Variants in PLEKHA3 observed in about 807,000 individuals in gnomAD.
The protein encoded by PLEKHA3 is pleckstrin homology domain-containing family A member 3.
In PLEKHA3, 19 loss-of-function variants were observed where a neutral mutation model predicts 39.2. That is an observed-to-expected ratio of 0.48 (90% CI 0.34 to 0.71). PLEKHA3 has a LOEUF of 0.71. Ranked by LOEUF, PLEKHA3 falls within the 30% of genes least tolerant of loss-of-function variation. The probability of loss-of-function intolerance (pLI) is 0.01; values close to 1 mark genes in which losing one functional copy is unlikely to be tolerated. For synonymous variants in PLEKHA3, 97 were observed against 118.6 expected, an observed-to-expected ratio of 0.82 and a Z score of 1.18; for missense variants, 253 against 359.5, an observed-to-expected ratio of 0.70 and a Z score of 2.40.
rs768287611 is a variant in PLEKHA3 at position 178,490,810 on chromosome 2, A to G, written c.309A>G (p.Glu103=). 9 of 1,605,746 alleles carry G rather than the reference A, an allele frequency of 5.6e-6. 1 individual carries two copies. The highest frequency in any genetic ancestry group is 7.6e-6 in the Non-Finnish European group (9 of 1,177,212). Residue 103 remains glutamate, a synonymous_variant, in exon 3 of 8, where the codon GAA becomes GAG. Transcript: ENST00000234453. The part of the protein sequence containing the change: ...ACLTDTRTKK[E]KEISETSESL... ...TGACTGATACAAGGACTAAAAAAGA[A>G]AAAGGTAACTATAAACTTTTCCCTT...
chr2:178,490,587 T>TCC, intron 2 of PLEKHA3, 72 bp from the exon 3 acceptor site: 1 of 1,441,840 alleles, frequency 6.9e-7, no homozygotes, highest in South Asian at 1.2e-5. Context: ...TACTGTGTGA[T>TCC]TAGATGATTA....
intron 4 of PLEKHA3, among the ~76,000 whole-genome samples, chr2:178,494,391 A>G (rs1685406284): frequency 6.6e-6 from 1 of 152,200 alleles, no homozygotes; most frequent in Non-Finnish European, 1.5e-5. Flanking sequence ...ACTTAAAACA[A>G]ATCCTTCTCA....
chr2:178,500,085 C>G (rs975548740), intron 6 of PLEKHA3, among the ~76,000 whole-genome samples: 1 of 152,046 alleles, frequency 6.6e-6, no homozygotes, highest in Admixed American at 6.6e-5. Context: ...TAGATCTTAC[C>G]AAAATGCTAA....
intron 5 of PLEKHA3, among the ~76,000 whole-genome samples, chr2:178,498,855 ACTC>A (rs940073797): frequency 6.6e-6 from 1 of 151,816 alleles, no homozygotes; most frequent in Non-Finnish European, 1.5e-5. Flanking sequence ...CTTGCTAGAT[ACTC>A]CTTTTTTATC....
At chr2:178,488,515 A>G (rs1001507247) in intron 2 of PLEKHA3, among the ~76,000 whole-genome samples, 20 of 152,396 alleles carry the variant, frequency 1.3e-4, no homozygotes, top group African/African-American at 4.3e-4. Context: ...GCAAGTGACC[A>G]TGTATATGTG....
Position 178,501,064 on chromosome 2 carries a change from T to A in PLEKHA3, c.663T>A (p.Ser221Arg), listed in dbSNP as rs1685522368. 1.9e-6 allele frequency: 3 copies of A among 1,608,590 alleles called. No individual in the cohort carries two copies. Among genetic ancestry groups the A allele is most frequent in the Non-Finnish European group, 2.6e-6 (3 of 1,176,374 alleles). Residue 221 changes from serine to arginine, a missense_variant, in exon 7 of 8, where the codon AGT becomes AGA. Transcript: ENST00000234453. The part of the protein sequence containing the change: ...SHPGSCSSER[S>R]SHSIKEPVST... ...ATGCTTTTTACTTAATTTGCAGGAG[T>A]AGCCACTCTATAAAAGAACCAGTAT...
chr2:178,497,648 A>G (rs1450142404), intron 5 of PLEKHA3, among the ~76,000 whole-genome samples: 1 of 152,210 alleles, frequency 6.6e-6, no homozygotes, highest in East Asian at 1.9e-4. Context: ...GTTAATTAAC[A>G]AGTATGTGTG....
intron 3 of PLEKHA3, among the ~76,000 whole-genome samples, chr2:178,491,038 T>G (rs1377067872): frequency 1.4e-5 from 2 of 141,544 alleles, no homozygotes; most frequent in African/African-American, 5.3e-5. Context: ...TGAGATGGAG[T>G]CTCACTCTGT....
Position 178,511,425 on chromosome 2 carries a change from G to A in PLEKHA3, c.*7538G>A, listed in dbSNP as rs1192874890. On this transcript the variant is annotated 3_prime_UTR_variant, in exon 8 of 8. Transcript: ENST00000234453. ...GTCTCACTCTGTAGCCCAAGTTAGA[G>A]TGCAGTGACACGATCTTGGCTCACT... The A allele has an allele frequency of 6.7e-6, 1 of 148,764 alleles. No individual in the cohort carries two copies. Among genetic ancestry groups the A allele is most frequent in the African/African-American group, 2.5e-5 (1 of 40,196 alleles). The allele number at this position is 148,764 out of a possible 1,614,324, so 9.2% of individuals were successfully genotyped here.
At chr2:178,494,613 A>C (rs189570632) in intron 4 of PLEKHA3, among the ~76,000 whole-genome samples, 1 of 152,294 alleles carries the variant, frequency 6.6e-6, no homozygotes, top group Admixed American at 6.5e-5. Flanking sequence ...AATCTTGTGT[A>C]AGAAGCCCAA....
At chr2:178,487,819 A>G (rs985619443) in intron 2 of PLEKHA3, among the ~76,000 whole-genome samples, 1 of 152,196 alleles carries the variant, frequency 6.6e-6, no homozygotes, top group Non-Finnish European at 1.5e-5. Context: ...CGATCAGAGT[A>G]TTAGGGTTCC....
rs1208171225 is a variant in PLEKHA3 at position 178,515,371 on chromosome 2, G to A, written c.*11484G>A. On this transcript the variant is annotated 3_prime_UTR_variant, in exon 8 of 8. Transcript: ENST00000234453. ...AGTAAATTTCTAAGAGCTTTCCAAT[G>A]TTGTCTATAATTAGCCAAAAAAAGA... is the stretch of plus-strand genomic sequence containing the variant. 1 of 151,904 alleles carries A rather than the reference G, an allele frequency of 6.6e-6. No individual in the cohort carries two copies. The highest frequency in any genetic ancestry group is 1.5e-5 in the Non-Finnish European group (1 of 67,970). 9.4% of individuals were successfully genotyped at this position (151,904 alleles called of 1,614,324 possible).
chr2:178,506,498 A>G lies in PLEKHA3; in HGVS notation c.*2611A>G, dbSNP rs987212280. On this transcript the variant is annotated 3_prime_UTR_variant, in exon 8 of 8. Transcript: ENST00000234453. Reference sequence around the variant, plus strand: ...ATTGCTTAAACTTAAATTCCAAGGCAGAAGATAGAGTATCTTCATTTCCAC... The same window carrying G: ...ATTGCTTAAACTTAAATTCCAAGGCGGAAGATAGAGTATCTTCATTTCCAC... 6 of 152,250 alleles carry G rather than the reference A, an allele frequency of 3.9e-5. No homozygotes were observed. The highest frequency in any genetic ancestry group is 1.4e-4 in the African/African-American group (6 of 41,470). 9.4% of individuals were successfully genotyped at this position (152,250 alleles called of 1,614,324 possible).
At position 178,507,818 on chromosome 2, in the gene PLEKHA3, G is replaced by A. The variant is rs1433600384; in HGVS notation, c.*3931G>A. 6.5e-6 allele frequency: 1 copy of A among 153,170 alleles called. No homozygotes were observed. Among genetic ancestry groups the A allele is most frequent in the African/African-American group, 2.4e-5 (1 of 41,240 alleles). The allele number at this position is 153,170 out of a possible 1,614,324, so 9.5% of individuals were successfully genotyped here. The stretch of plus-strand genomic sequence containing the variant: ...TAGTTTGGAGTCTGGAAAATAACAT[G>A]CCTTCAGAATTTTAAGGGCAACATT... On this transcript the variant is annotated 3_prime_UTR_variant, in exon 8 of 8. Transcript: ENST00000234453.
chr2:178,484,999 C>T (rs2154127558), intron 1 of PLEKHA3, among the ~76,000 whole-genome samples: 1 of 152,330 alleles, frequency 6.6e-6, no homozygotes, highest in Middle Eastern at 3.4e-3. Context: ...TGTGTTCTCA[C>T]CATAGGGTAT....
chr2:178,489,122 T>C, intron 2 of PLEKHA3: 1 of 323,632 alleles, frequency 3.1e-6, no homozygotes, highest in East Asian at 9.1e-5. Flanking sequence ...TTCACTAGTA[T>C]TGGCAAGTAG....
chr2:178,485,616 CT>C (rs1559382340), intron 1 of PLEKHA3, 24 bp from the exon 2 acceptor site: 1 of 1,462,564 alleles, frequency 6.8e-7, no homozygotes, highest in Non-Finnish European at 9.6e-7. Context: ...TCCAATTGAC[CT>C]TTTGTTATTT....
intron 1 of PLEKHA3, 42 bp downstream of exon 1, chr2:178,480,951 G>C (rs756150121): frequency 5.4e-6 from 7 of 1,306,284 alleles, no homozygotes; most frequent in Admixed American, 3.1e-5. Context: ...GAGAGGCGGG[G>C]GGCTGCTGAG....
chr2:178,492,144 A>G (rs1013626301), intron 3 of PLEKHA3, among the ~76,000 whole-genome samples: 15 of 152,094 alleles, frequency 9.9e-5, no homozygotes, highest in Non-Finnish European at 1.6e-4. Context: ...TTTATTAAGT[A>G]TGTATTACTT....
Sources: gnomAD v4.1 joint callset for allele counts (sites outside exome capture counted in the v4.1 genomes callset) on GRCh38, gnomAD v4.1.1 for gene constraint, MANE v1.5 for transcripts, NCBI Gene and HGNC (gene_info 2026-07-23, HGNC 2026-07-21) for gene names.